The following S1PR2 variants were observed in gnomAD, a reference collection of about 807,000 sequenced individuals.
S1PR2 encodes the protein sphingosine 1-phosphate receptor 2.
Under a neutral mutation model 16.1 loss-of-function variants are expected in S1PR2, and 9 were observed. The observed-to-expected ratio is 0.56, with a 90% CI of 0.34 to 0.98. S1PR2 has a LOEUF of 0.98. Among genes scored for constraint, S1PR2 ranks in the 50% least tolerant of loss-of-function variants. The pLI is 0.02. For synonymous variants in S1PR2, 224 were observed against 233.9 expected (o/e 0.96, Z 0.38); for missense variants, 361 against 488.4 (o/e 0.74, Z 2.46).
Position 10,224,435 on chromosome 19 carries a change from G to C in S1PR2, c.471C>G (p.Leu157=), listed in dbSNP as rs2039616577. 1 of 1,613,476 alleles carries C rather than the reference G, an allele frequency of 6.2e-7. No homozygotes were observed. The highest frequency in any genetic ancestry group is 1.1e-5 in the South Asian group (1 of 91,086). ...GCAGGCCACCGAGGACCAGCGAGAT[G>C]AGCCACGAGGCCCCGATGAGCAGAA... is the stretch of plus-strand genomic sequence containing the variant. The part of the protein sequence containing the change: ...RMLLLIGASW[L]ISLVLGGLPI... The change falls in exon 2 of 2, where the codon CTC becomes CTG. Residue 157 remains leucine, a synonymous_variant. Transcript: ENST00000646641.
At chr19:10,229,487 A>C (rs552221579) in intron 1 of S1PR2, among the ~76,000 whole-genome samples, 1 of 152,018 alleles carries the variant, frequency 6.6e-6, no homozygotes, top group East Asian at 1.9e-4. Context: ...ATGGGGTTTC[A>C]CCATGTTGGC....
chr19:10,224,118 G>C lies in S1PR2; in HGVS notation c.788C>G (p.Ser263Cys). Residue 263 changes from serine to cysteine, a missense_variant, in exon 2 of 2, where the codon TCC becomes TGC. By Grantham distance (112) the Ser-to-Cys change is moderately radical. Transcript: ENST00000646641. ...LLLDYACPVH[S>C]CPILYKAHYF... is the part of the protein sequence containing the mutation. Reference sequence around the variant, plus strand: ...GTGGGCTTTGTAGAGGATCGGGCAGGAGTGGACGGGACAGGCATAGTCCAG... The same window carrying C: ...GTGGGCTTTGTAGAGGATCGGGCAGCAGTGGACGGGACAGGCATAGTCCAG... 6.2e-7 allele frequency: 1 copy of C among 1,604,824 alleles called. No homozygotes were observed. The highest frequency in any genetic ancestry group is 8.5e-7 in the Non-Finnish European group (1 of 1,179,978).
rs965968696 is a variant in S1PR2 at position 10,224,962 on chromosome 19, G to A, written c.-42-15C>T. 64 of 1,365,920 alleles carry A rather than the reference G, an allele frequency of 4.7e-5. No individual in the cohort carries two copies. The Admixed American group carries it at 1.2e-3, about 25-fold the overall frequency. The allele number at this position is 1,365,920 out of a possible 1,614,324, so 84.6% of individuals were successfully genotyped here. ...GGCTTTCAGAACTGCAGAGAAGACA[G>A]ACAGACAGACAGACAATAGGTCAGA... On this transcript the variant is annotated splice_polypyrimidine_tract_variant and intron_variant, in intron 1 of 1. Coordinates refer to ENST00000646641, the MANE Select transcript of S1PR2 (RefSeq NM_004230.4).
At chr19:10,227,769 G>A (rs1487564122) in intron 1 of S1PR2, among the ~76,000 whole-genome samples, 1 of 152,186 alleles carries the variant, frequency 6.6e-6, no homozygotes, top group Non-Finnish European at 1.5e-5. Flanking sequence ...CGGGAGCTCA[G>A]GCTTTCTGAG....
At chr19:10,230,870 C>A (rs941596476) in intron 1 of S1PR2, among the ~76,000 whole-genome samples, 1 of 152,210 alleles carries the variant, frequency 6.6e-6, no homozygotes, top group African/African-American at 2.4e-5. Context: ...GTGTTGCCCC[C>A]CCCCAAACAC....
At position 10,224,423 on chromosome 19, in the gene S1PR2, G is replaced by C; in HGVS notation, c.483C>G (p.Val161=). The change falls in exon 2 of 2, where the codon GTC becomes GTG. Residue 161 remains valine, a synonymous_variant. Transcript: ENST00000646641. ...LIGASWLISL[V]LGGLPILGWN... is the part of the protein sequence containing the mutation. ...AGCCAAGGATGGGCAGGCCACCGAGGACCAGCGAGATGAGCCACGAGGCCC... is the reference window on the plus strand; with the variant it reads ...AGCCAAGGATGGGCAGGCCACCGAGCACCAGCGAGATGAGCCACGAGGCCC... 6.2e-7 allele frequency: 1 copy of C among 1,613,610 alleles called. No homozygotes were observed. Among genetic ancestry groups the C allele is most frequent in the Non-Finnish European group, 8.5e-7 (1 of 1,179,912 alleles).
At position 10,222,901 on chromosome 19, in the gene S1PR2, CTGTAATCCCACACTT is replaced by C. The variant is rs1599234052; in HGVS notation, c.*928_*942del. The C allele has an allele frequency of 6.6e-6, 1 of 152,136 alleles. No individual in the cohort carries two copies. The highest frequency in any genetic ancestry group is 1.9e-4 in the East Asian group (1 of 5,174). 9.4% of individuals were successfully genotyped at this position (152,136 alleles called of 1,614,324 possible). ...TACCGCCAGGTGAGGTGGCTTACGC[CTGTAATCCCACACTT>C]TGGGAGGCCAACACGGGCGGATCAT... On this transcript the variant is annotated 3_prime_UTR_variant, in exon 2 of 2. Transcript: ENST00000646641.
intron 1 of S1PR2, among the ~76,000 whole-genome samples, chr19:10,230,102 G>A (rs1357364275): frequency 6.6e-6 from 1 of 152,228 alleles, no homozygotes; most frequent in Non-Finnish European, 1.5e-5. Context: ...CCTCTGGTCC[G>A]CGGGCAGCGC....
At chr19:10,228,468 G>A (rs960984586) in intron 1 of S1PR2, among the ~76,000 whole-genome samples, 3 of 152,208 alleles carry the variant, frequency 2.0e-5, no homozygotes, top group Non-Finnish European at 4.4e-5. Flanking sequence ...CACAGAGGGA[G>A]AAGCAGCTCT....
chr19:10,230,821 A>G (rs2145447488), intron 1 of S1PR2, among the ~76,000 whole-genome samples: 1 of 152,194 alleles, frequency 6.6e-6, no homozygotes, highest in South Asian at 2.1e-4. Context: ...CGGCGCGCAC[A>G]TCCTTTTGCC....
chr19:10,228,138 CAAAAAAAAAAA>C (rs141807915), intron 1 of S1PR2, among the ~76,000 whole-genome samples: 1 of 97,646 alleles, frequency 1.0e-5, no homozygotes, highest in African/African-American at 4.0e-5. Flanking sequence ...CCCCTCTACT[CAAAAAAAAAAA>C]AAAAAAAAAA....
Position 10,222,413 on chromosome 19 carries a change from G to C in S1PR2, c.*1431C>G, listed in dbSNP as rs1308927693. On this transcript the variant is annotated 3_prime_UTR_variant, in exon 2 of 2. Coordinates refer to ENST00000646641, the MANE Select transcript of S1PR2 (RefSeq NM_004230.4). ...GCTGGGGCTGCAGGTGTGGAGCTGA[G>C]AATAGCTTGGGGGGTGGCTGTTTTT... 2 of 152,366 alleles carry C rather than the reference G, an allele frequency of 1.3e-5. No individual in the cohort carries two copies. 9.4% of individuals were successfully genotyped at this position (152,366 alleles called of 1,614,324 possible).
chr19:10,223,501 T>A lies in S1PR2; in HGVS notation c.*343A>T. ...ATTCCGTCTCAAAAAAAAAAAAAAA[T>A]CCTTTGTACCAGGTGGTAAAGTGCT... On this transcript the variant is annotated 3_prime_UTR_variant, in exon 2 of 2. Transcript: ENST00000646641. 1.2e-5 allele frequency: 3 copies of A among 243,294 alleles called. No individual in the cohort carries two copies. The highest frequency in any genetic ancestry group is 5.1e-5 in the Admixed American group (1 of 19,536). The allele number at this position is 243,294 out of a possible 1,614,324, so 15.1% of individuals were successfully genotyped here. A position where few individuals can be genotyped will look rare whatever the true frequency, so the allele number is the denominator to read the frequency against.
In S1PR2 at chr19:10,226,986, T is replaced by TC. The variant is rs895623692; in HGVS notation, c.-42-2040dup. 5.7e-4 allele frequency among the ~76,000 whole-genome samples: 61 copies of TC among 106,742 alleles called. 1 individual carries two copies. The highest frequency in any genetic ancestry group is 1.1e-3 in the South Asian group (3 of 2,644). The allele number at this position is 106,742 out of a possible 152,430, so 70.0% of individuals were successfully genotyped here. A position where few individuals can be genotyped will look rare whatever the true frequency, so the allele number is the denominator to read the frequency against. On this transcript the variant is annotated intron_variant, in intron 1 of 1. Transcript: ENST00000646641. Reference sequence around the variant, plus strand: ...CCATCCCTCCCTCTACCCCCTCCCATCCCCCCCCATCGCCACCCACCAAGG... The same window carrying TC: ...CCATCCCTCCCTCTACCCCCTCCCATCCCCCCCCCATCGCCACCCACCAAGG...
At chr19:10,228,270 G>C (rs192708664) in intron 1 of S1PR2, among the ~76,000 whole-genome samples, 2,163 of 152,074 alleles carry the variant, frequency 0.014, 39 homozygotes, top group African/African-American at 0.045. Context: ...CAAGATCGCA[G>C]CCATTGCACT....
intron 1 of S1PR2, among the ~76,000 whole-genome samples, chr19:10,230,733 A>T (rs182609837): frequency 6.6e-6 from 1 of 152,272 alleles, no homozygotes; most frequent in Admixed American, 6.5e-5. Flanking sequence ...GAGGCAAACA[A>T]CTTGGGGAAA....
In S1PR2 at chr19:10,224,441, C is replaced by T. The variant is rs571515815; in HGVS notation, c.465G>A (p.Ser155=). 17 of 1,613,610 alleles carry T rather than the reference C, an allele frequency of 1.1e-5. No individual in the cohort carries two copies. Among genetic ancestry groups the T allele is most frequent in the Middle Eastern group, 1.6e-4 (1 of 6,062 alleles). The change falls in exon 2 of 2, where the codon TCG becomes TCA. Residue 155 remains serine (S), a synonymous_variant. Transcript: ENST00000646641. The part of the protein sequence containing the change: ...SCRMLLLIGA[S]WLISLVLGGL... ...CACCGAGGACCAGCGAGATGAGCCA[C>T]GAGGCCCCGATGAGCAGAAGCATGC...
At position 10,223,745 on chromosome 19, in the gene S1PR2, G is replaced by T; in HGVS notation, c.*99C>A. On this transcript the variant is annotated 3_prime_UTR_variant, in exon 2 of 2. Coordinates refer to ENST00000646641, the MANE Select transcript of S1PR2 (RefSeq NM_004230.4). Reference sequence around the variant, plus strand: ...ACATCACCCAGGTCTGTGGGGCGGGGGCATCTGGCTCAGTAGCCCCAAGTC... The same window carrying T: ...ACATCACCCAGGTCTGTGGGGCGGGTGCATCTGGCTCAGTAGCCCCAAGTC... 9.0e-7 allele frequency: 1 copy of T among 1,109,766 alleles called. No homozygotes were observed. The highest frequency in any genetic ancestry group is 1.6e-5 in the South Asian group (1 of 61,178). 68.7% of individuals were successfully genotyped at this position (1,109,766 alleles called of 1,614,324 possible).
rs970138503 is a variant in S1PR2, at chr19:10,224,556, G to A, written c.350C>T (p.Ser117Leu). The A allele has an allele frequency of 3.1e-6, 5 of 1,613,886 alleles. No homozygotes were observed. Among genetic ancestry groups the A allele is most frequent in the Admixed American group, 1.7e-5 (1 of 60,024 alleles). The change falls in exon 2 of 2, where the codon TCG becomes TTG. Residue 117 changes from serine to leucine, a missense_variant. Ser to Leu is a moderately radical substitution (Grantham distance 145, BLOSUM62 -2). Transcript: ENST00000646641. ...GGCCAGGAGGCTGAAGACAGAGGCC[G>A]AGAGCGTGATGAAGGCAGAGCCCTC... ...AREGSAFITL[S>L]ASVFSLLAIA... is the part of the protein sequence containing the mutation.
Sources: allele counts gnomAD v4.1 joint callset (sites outside exome capture counted in the v4.1 genomes callset), GRCh38; gene constraint gnomAD v4.1.1; transcripts MANE v1.5; gene names NCBI Gene and HGNC (gene_info 2026-07-23, HGNC 2026-07-21).